Variants in IGFBP7 observed in about 807,000 individuals in gnomAD.
IGFBP7 encodes the protein insulin-like growth factor-binding protein 7.
A neutral mutation model predicts 29.4 loss-of-function variants in IGFBP7; 31 were observed. The ratio of observed to expected loss-of-function variants is 1.05; its 90% confidence interval spans 0.79 to 1.42. The LOEUF (loss-of-function observed/expected upper bound fraction) is 1.42, where lower values mean the gene tolerates loss of function less well. Among genes scored for constraint, IGFBP7 ranks in the 40% most tolerant of loss-of-function variants. The pLI is 0.00. For missense variants in IGFBP7, 393 were observed against 395.5 expected (o/e 0.99, Z 0.05); for synonymous variants, 172 against 174.9 (o/e 0.98, Z 0.13).
chr4:57,065,139 G>A (rs966894269), intron 1 of IGFBP7, among the ~76,000 whole-genome samples: 3 of 152,266 alleles, frequency 2.0e-5, no homozygotes, highest in African/African-American at 7.2e-5. Flanking sequence ...AAAACGTACT[G>A]GGGAGAACTC....
chr4:57,074,538 A>G, intron 1 of IGFBP7, among the ~76,000 whole-genome samples: 1 of 152,200 alleles, frequency 6.6e-6, no homozygotes, highest in East Asian at 1.9e-4. Flanking sequence ...CATGAGACAC[A>G]AAAGAGTCTC....
At chr4:57,055,265 G>T (rs1724628823) in intron 1 of IGFBP7, among the ~76,000 whole-genome samples, 1 of 152,138 alleles carries the variant, frequency 6.6e-6, no homozygotes, top group Non-Finnish European at 1.5e-5. Flanking sequence ...ACTCATCTGG[G>T]TGTGTCGAAA....
chr4:57,096,564 C>T (rs1376116617), intron 1 of IGFBP7, among the ~76,000 whole-genome samples: 1 of 152,112 alleles, frequency 6.6e-6, no homozygotes, highest in African/African-American at 2.4e-5. Flanking sequence ...TTCTGATGTA[C>T]AGCCAAGGTG....
chr4:57,062,849 TG>T (rs925943956), intron 1 of IGFBP7, among the ~76,000 whole-genome samples: 61 of 152,360 alleles, frequency 4.0e-4, no homozygotes, highest in African/African-American at 1.4e-3. Context: ...GTTTTCTCTC[TG>T]GGATTTGAAA....
intron 1 of IGFBP7, among the ~76,000 whole-genome samples, chr4:57,056,412 T>C (rs1287616159): frequency 1.3e-5 from 2 of 152,040 alleles, no homozygotes; most frequent in Non-Finnish European, 2.9e-5. Context: ...AGTATTACTG[T>C]GTGTTTGAGT....
intron 1 of IGFBP7, among the ~76,000 whole-genome samples, chr4:57,097,326 T>C (rs1725784852): frequency 6.6e-6 from 1 of 152,212 alleles, no homozygotes; most frequent in African/African-American, 2.4e-5. Context: ...CTGTCTGCAT[T>C]TGGACTCTGG....
chr4:57,105,570 C>A (rs913067690), intron 1 of IGFBP7, among the ~76,000 whole-genome samples: 1 of 152,102 alleles, frequency 6.6e-6, no homozygotes, highest in Admixed American at 6.6e-5. Flanking sequence ...TCATGACAAC[C>A]CTATGAGATA....
intron 2 of IGFBP7, among the ~76,000 whole-genome samples, chr4:57,035,532 G>A (rs1203559539): frequency 1.3e-5 from 2 of 152,130 alleles, no homozygotes; most frequent in Admixed American, 6.5e-5. Context: ...TCAGCTCACT[G>A]CAACCTCTGC....
chr4:57,052,935 C>T (rs35052757), intron 1 of IGFBP7, among the ~76,000 whole-genome samples: 36,015 of 152,008 alleles, frequency 0.24, 4,569 homozygotes, highest in East Asian at 0.34. Context: ...GAATTGACCA[C>T]AGAACATGCA....
At chr4:57,067,996 G>A (rs1724960999) in intron 1 of IGFBP7, among the ~76,000 whole-genome samples, 1 of 152,116 alleles carries the variant, frequency 6.6e-6, no homozygotes, top group Non-Finnish European at 1.5e-5. Context: ...AAGAAATTTG[G>A]GAATCACTGA....
rs1049799302 is a variant in IGFBP7 at position 57,102,567 on chromosome 4, C to T, written c.475+7310G>A. The stretch of plus-strand genomic sequence containing the variant: ...CTATTTAATTCCAGGCCTTTTAATG[C>T]TGTCCTCCTGAAGAACTGTATTAAG... On this transcript the variant is annotated intron_variant, in intron 1 of 4. Transcript: ENST00000295666. Among the ~76,000 whole-genome samples, 3 of 152,186 alleles carry T rather than the reference C, an allele frequency of 2.0e-5. No homozygotes were observed. In the East Asian group the frequency reaches 5.8e-4, roughly 29 times the overall value.
In IGFBP7 at chr4:57,105,605, A is replaced by G. The variant is rs1043194865; in HGVS notation, c.475+4272T>C. ...AGATAATGGTTATAATCCCTGTCTT[A>G]TAAGTGAGGAAAACCCTGGGCAGAC... On this transcript the variant is annotated intron_variant, in intron 1 of 4. Transcript: ENST00000295666. Among the ~76,000 whole-genome samples the G allele has an allele frequency of 2.6e-5, 4 of 152,232 alleles. No individual in the cohort carries two copies. The East Asian group carries it at 7.7e-4, about 29-fold the overall frequency.
chr4:57,061,579 C>T (rs1724801741), intron 1 of IGFBP7, among the ~76,000 whole-genome samples: 1 of 152,158 alleles, frequency 6.6e-6, no homozygotes, highest in Admixed American at 6.5e-5. Context: ...TGGATACCCA[C>T]ACAAAGGAAA....
At chr4:57,057,997 C>T (rs1724713325) in intron 1 of IGFBP7, among the ~76,000 whole-genome samples, 1 of 152,132 alleles carries the variant, frequency 6.6e-6, no homozygotes, top group Non-Finnish European at 1.5e-5. Context: ...AATTTCCACC[C>T]CATATCCATG....
At chr4:57,061,084 A>G (rs1430679888) in intron 1 of IGFBP7, among the ~76,000 whole-genome samples, 1 of 151,998 alleles carries the variant, frequency 6.6e-6, no homozygotes, top group Non-Finnish European at 1.5e-5. Flanking sequence ...CTTACTGAGT[A>G]GGTCAGAACT....
At chr4:57,094,418 G>A (rs982559941) in intron 1 of IGFBP7, among the ~76,000 whole-genome samples, 1 of 152,102 alleles carries the variant, frequency 6.6e-6, no homozygotes, top group Non-Finnish European at 1.5e-5. Flanking sequence ...GTGAAGTAAG[G>A]GCCACGTGGG....
chr4:57,104,755 G>T (rs1363286413), intron 1 of IGFBP7, among the ~76,000 whole-genome samples: 1 of 152,116 alleles, frequency 6.6e-6, no homozygotes. Context: ...GTTGGGATTT[G>T]GGGGGAAAAG....
chr4:57,082,795 A>G (rs1254987397), intron 1 of IGFBP7, among the ~76,000 whole-genome samples: 1 of 152,096 alleles, frequency 6.6e-6, no homozygotes, highest in Non-Finnish European at 1.5e-5. Context: ...TTAACATGCA[A>G]GCTGCTTTAA....
At chr4:57,103,305 C>T (rs1394602847) in intron 1 of IGFBP7, among the ~76,000 whole-genome samples, 1 of 152,190 alleles carries the variant, frequency 6.6e-6, no homozygotes, top group East Asian at 1.9e-4. Flanking sequence ...CTCAGCGCTC[C>T]CATTGCTCTG....
Sources: allele counts gnomAD v4.1 joint callset (sites outside exome capture counted in the v4.1 genomes callset), GRCh38; gene constraint gnomAD v4.1.1; transcripts MANE v1.5; gene names NCBI Gene and HGNC (gene_info 2026-07-23, HGNC 2026-07-21).